The following P3H2 variants were observed in gnomAD, a reference collection of about 807,000 sequenced individuals.
P3H2 encodes leprecan-like 1.
P3H2 carries 80 observed loss-of-function variants against 87.0 expected under a neutral mutation model. That is an observed-to-expected ratio of 0.92 (90% CI 0.77 to 1.11). The LOEUF is 1.11. P3H2 is among the 50% of genes least tolerant of loss of function. The pLI, the probability that P3H2 is intolerant of heterozygous loss-of-function variation, is 0.00. For missense variants in P3H2, 1,001 were observed against 923.9 expected, an observed-to-expected ratio of 1.08 and a Z score of -1.08; for synonymous variants, 367 against 359.3, an observed-to-expected ratio of 1.02 and a Z score of -0.24.
chr3:190,066,221 A>C (rs1366943919), intron 1 of P3H2, among the ~76,000 whole-genome samples: 1 of 151,598 alleles, frequency 6.6e-6, no homozygotes, highest in Non-Finnish European at 1.5e-5. Flanking sequence ...GGATATATAC[A>C]TGTGGCATAT....
At chr3:190,030,579 T>C (rs1043786530) in intron 1 of P3H2, among the ~76,000 whole-genome samples, 2 of 151,982 alleles carry the variant, frequency 1.3e-5, no homozygotes, top group African/African-American at 4.8e-5. Flanking sequence ...ATTAAATGAA[T>C]AAATAATAAA....
Position 189,957,719 on chromosome 3 carries a change from AG to A in P3H2, c.*192del. The stretch of plus-strand genomic sequence containing the variant: ...TCTAAGAAGAGAGAGAGAGAGAGAG[AG>A]AGAGAAAACAACCCAAAACAAGAAA... On this transcript the variant is annotated 3_prime_UTR_variant, in exon 15 of 15. Transcript: ENST00000319332. 6.6e-6 allele frequency: 4 copies of A among 608,250 alleles called. No individual in the cohort carries two copies. The highest frequency in any genetic ancestry group is 2.8e-5 in the Admixed American group (1 of 35,290). 37.7% of individuals were successfully genotyped at this position (608,250 alleles called of 1,614,324 possible).
intron 14 of P3H2, among the ~76,000 whole-genome samples, chr3:189,962,532 A>C (rs746645437): frequency 2.6e-5 from 4 of 152,116 alleles, no homozygotes; most frequent in Non-Finnish European, 2.9e-5. Flanking sequence ...AGCTTATAGA[A>C]GTCTTCCTTG....
chr3:190,032,516 G>A (rs1482357536), intron 1 of P3H2, among the ~76,000 whole-genome samples: 1 of 152,138 alleles, frequency 6.6e-6, no homozygotes, highest in Non-Finnish European at 1.5e-5. Context: ...AGGATAGGAA[G>A]GAGAGGAGAA....
chr3:190,012,207 G>GGTGTGTGTGTGTGT (rs3062120), intron 1 of P3H2, among the ~76,000 whole-genome samples: 1,495 of 145,678 alleles, frequency 0.01, 26 homozygotes, highest in African/African-American at 0.031. Flanking sequence ...TGTAGGTAAA[G>GGTGTGTGTGTGTGT]GTGTGTGTGT....
intron 1 of P3H2, among the ~76,000 whole-genome samples, chr3:190,113,434 G>A (rs1011691484): frequency 2.0e-5 from 3 of 149,260 alleles, no homozygotes; most frequent in East Asian, 1.9e-4. Flanking sequence ...TTGCTTTTAC[G>A]TCACTGCCCC....
intron 1 of P3H2, among the ~76,000 whole-genome samples, chr3:190,096,399 T>C (rs1727587050): frequency 6.6e-6 from 1 of 152,102 alleles, no homozygotes; most frequent in Non-Finnish European, 1.5e-5. Context: ...CTTCACTTTC[T>C]CTCTCCTGCT....
intron 1 of P3H2, among the ~76,000 whole-genome samples, chr3:190,104,543 G>A (rs1711757104): frequency 6.6e-6 from 1 of 152,120 alleles, no homozygotes; most frequent in Admixed American, 6.5e-5. Flanking sequence ...CTACAGTGTA[G>A]AACACCACCA....
intron 1 of P3H2, among the ~76,000 whole-genome samples, chr3:190,005,269 C>CA (rs150276201): frequency 0.022 from 3,355 of 152,278 alleles, 135 homozygotes; most frequent in African/African-American, 0.077. Context: ...TTGTCACAAG[C>CA]ACTGGGAATC....
intron 1 of P3H2, among the ~76,000 whole-genome samples, chr3:190,102,230 A>T (rs1711654415): frequency 6.6e-6 from 1 of 152,156 alleles, no homozygotes; most frequent in Non-Finnish European, 1.5e-5. Context: ...AGTAACTTTG[A>T]TTTTCAAGTC....
At chr3:189,980,920 C>T (rs542421001) in intron 8 of P3H2, among the ~76,000 whole-genome samples, 6 of 152,126 alleles carry the variant, frequency 3.9e-5, no homozygotes, top group Non-Finnish European at 8.8e-5. Flanking sequence ...TTAGCCCCAC[C>T]CACAGACCTC....
chr3:189,966,249 C>A (rs1298134973), intron 13 of P3H2, among the ~76,000 whole-genome samples: 1 of 151,908 alleles, frequency 6.6e-6, no homozygotes, highest in Non-Finnish European at 1.5e-5. Context: ...TCTGGGCTGC[C>A]CACTCCCTGG....
Position 190,108,280 on chromosome 3 carries a change from G to A in P3H2, c.480+11972C>T, listed in dbSNP as rs535601815. ...GATCCTCCCACCTCAGCTTCCCAAA[G>A]CACTGAGATTATTTACAGGCTGTGC... is the stretch of plus-strand genomic sequence containing the variant. On this transcript the variant is annotated intron_variant, in intron 1 of 14. Transcript: ENST00000319332. Among the ~76,000 whole-genome samples the A allele has an allele frequency of 2.0e-5, 3 of 152,052 alleles. No individual in the cohort carries two copies. In the East Asian group the frequency reaches 5.8e-4, roughly 29 times the overall value.
At chr3:190,012,296 T>C (rs1724618918) in intron 1 of P3H2, among the ~76,000 whole-genome samples, 1 of 151,672 alleles carries the variant, frequency 6.6e-6, no homozygotes, top group Non-Finnish European at 1.5e-5. Flanking sequence ...TGTAGGAAAT[T>C]TTCTTGTGAA....
intron 1 of P3H2, among the ~76,000 whole-genome samples, chr3:190,085,520 T>G (rs148179455): frequency 6.6e-4 from 101 of 152,366 alleles, no homozygotes; most frequent in Admixed American, 9.8e-4. Context: ...CTCCACACAG[T>G]CTGATCGATT....
chr3:189,994,253 CATA>C lies in P3H2; in HGVS notation c.661_663del (p.Tyr221del). Reference sequence around the variant, plus strand: ...ATAGCCATCTCAAAGTCATCAGCCTCATAATGTTTAACTCCTGCATTGTAACTC... The same window carrying C: ...ATAGCCATCTCAAAGTCATCAGCCTCATGTTTAACTCCTGCATTGTAACTC... On this transcript the variant is annotated inframe_deletion, in exon 3 of 15. Coordinates refer to ENST00000319332, the MANE Select transcript of P3H2 (RefSeq NM_018192.4). 1 of 1,613,434 alleles carries C rather than the reference CATA, an allele frequency of 6.2e-7. No individual in the cohort carries two copies.
chr3:189,993,841 AT>A (rs1356794041), intron 3 of P3H2, among the ~76,000 whole-genome samples: 2 of 152,108 alleles, frequency 1.3e-5, no homozygotes, highest in African/African-American at 2.4e-5. Flanking sequence ...GTATTGTCCT[AT>A]TTTATAAAAA....
intron 1 of P3H2, among the ~76,000 whole-genome samples, chr3:190,028,368 T>C (rs1164085018): frequency 6.6e-6 from 1 of 152,148 alleles, no homozygotes; most frequent in African/African-American, 2.4e-5. Context: ...AGCACTCAGG[T>C]TTAGAGGCTT....
intron 1 of P3H2, among the ~76,000 whole-genome samples, chr3:190,089,759 G>A (rs1431146649): frequency 6.6e-6 from 1 of 152,172 alleles, no homozygotes; most frequent in African/African-American, 2.4e-5. Context: ...AACCCATGGA[G>A]TCATAATAAT....
Sources: gnomAD v4.1 joint callset for allele counts (sites outside exome capture counted in the v4.1 genomes callset) on GRCh38, gnomAD v4.1.1 for gene constraint, MANE v1.5 for transcripts, NCBI Gene and HGNC (gene_info 2026-07-23, HGNC 2026-07-21) for gene names.